Variants in DGKH observed in about 807,000 individuals in gnomAD.
DGKH encodes the protein diacylglycerol kinase eta, also known as DAG kinase eta.
DGKH carries 90 observed loss-of-function variants against 159.3 expected under a neutral mutation model. The observed-to-expected ratio is 0.57, with a 90% CI of 0.48 to 0.67. The LOEUF (loss-of-function observed/expected upper bound fraction) is 0.67. Ranked by LOEUF, DGKH falls within the 30% of genes least tolerant of loss-of-function variation. The pLI, the probability that DGKH is intolerant of heterozygous loss-of-function variation, is 0.00. For missense variants in DGKH, 1,181 were observed against 1,506.1 expected, an observed-to-expected ratio of 0.78 and a Z score of 3.57; for synonymous variants, 536 against 553.8, an observed-to-expected ratio of 0.97 and a Z score of 0.45.
At chr13:42,042,060 T>C (rs540513869) in intron 1 of DGKH, among the ~76,000 whole-genome samples, 1 of 152,356 alleles carries the variant, frequency 6.6e-6, no homozygotes, top group East Asian at 1.9e-4. Flanking sequence ...TTCAGAAGCG[T>C]CCTTCGACTC....
chr13:42,126,364 G>T (rs376743522), intron 1 of DGKH, among the ~76,000 whole-genome samples: 9 of 152,114 alleles, frequency 5.9e-5, no homozygotes, highest in African/African-American at 2.2e-4. Context: ...AGATGGTCAA[G>T]ACCTGAAGGA....
At chr13:42,128,863 C>T (rs1034647753) in intron 2 of DGKH, among the ~76,000 whole-genome samples, 8 of 152,098 alleles carry the variant, frequency 5.3e-5, no homozygotes, top group African/African-American at 1.7e-4. Context: ...TTTCAAGTTC[C>T]GCTGTCAACT....
chr13:42,068,348 T>C (rs1566084485), intron 1 of DGKH, among the ~76,000 whole-genome samples: 1 of 152,212 alleles, frequency 6.6e-6, no homozygotes, highest in Middle Eastern at 3.2e-3. Flanking sequence ...ATGAGTCTTA[T>C]TAAGAATAGT....
At chr13:42,117,158 A>G (rs1954982652) in intron 1 of DGKH, among the ~76,000 whole-genome samples, 1 of 152,240 alleles carries the variant, frequency 6.6e-6, no homozygotes, top group Admixed American at 6.5e-5. Context: ...AGTAAAACTA[A>G]AACATACTTG....
chr13:42,073,275 T>TA (rs1473518325), intron 1 of DGKH, among the ~76,000 whole-genome samples: 1 of 152,226 alleles, frequency 6.6e-6, no homozygotes, highest in African/African-American at 2.4e-5. Context: ...TGCCATTTAT[T>TA]AAAATAGTGT....
At chr13:42,228,703 TAAAGAAA>T (rs1566217753) in intron 29 of DGKH, among the ~76,000 whole-genome samples, 1 of 150,172 alleles carries the variant, frequency 6.7e-6, no homozygotes, top group African/African-American at 2.5e-5. Context: ...AGAGATGAAA[TAAAGAAA>T]GAAAGAAAGA....
chr13:42,087,746 A>ATT (rs56389215), intron 1 of DGKH, among the ~76,000 whole-genome samples: 12,195 of 142,310 alleles, frequency 0.086, 833 homozygotes, highest in East Asian at 0.18. Context: ...TGCACTGCTC[A>ATT]TTTTTTTTTT....
At chr13:42,189,677 A>T (rs12868961) in intron 15 of DGKH, among the ~76,000 whole-genome samples, 17,716 of 152,078 alleles carry the variant, frequency 0.12, 1,510 homozygotes, top group East Asian at 0.4. Flanking sequence ...TAGAAAAAAA[A>T]ATTTTTTGAG....
intron 1 of DGKH, among the ~76,000 whole-genome samples, chr13:42,049,477 T>TAGGCCCACTC (rs1555254855): frequency 1.5e-4 from 23 of 152,350 alleles, no homozygotes; most frequent in Non-Finnish European, 2.4e-4. Flanking sequence ...CTTTCCCACT[T>TAGGCCCACTC]AGGCCCACTC....
intron 1 of DGKH, among the ~76,000 whole-genome samples, chr13:42,082,303 G>C (rs1954216577): frequency 6.6e-6 from 1 of 152,036 alleles, no homozygotes; most frequent in Admixed American, 6.6e-5. Context: ...CATGTTTATT[G>C]ATAGCAATAA....
chr13:42,146,780 A>G (rs747031872), intron 3 of DGKH, among the ~76,000 whole-genome samples: 2 of 152,242 alleles, frequency 1.3e-5, no homozygotes, highest in Non-Finnish European at 2.9e-5. Context: ...GGAGAGAAAT[A>G]CAAGAAGATA....
Position 42,174,103 on chromosome 13 carries a change from TC to T in DGKH, c.1414del (p.Leu472TyrfsTer14). Reference protein sequence around the residue: ...TYELKLPPKASLLPGPPEASE... With the variant: ...TYELKLPPKAXLLPGPPEASE... Reference sequence around the variant, plus strand: ...TGAACTCAAATTGCCACCAAAAGCTTCCCTACTTCCAGGACCTCCAGAAGCA... The same window carrying T: ...TGAACTCAAATTGCCACCAAAAGCTTCCTACTTCCAGGACCTCCAGAAGCA... On this transcript the variant is annotated frameshift_variant, in exon 12 of 30. Coordinates refer to ENST00000337343, the MANE Select transcript of DGKH (RefSeq NM_178009.5). LOFTEE classifies it high-confidence loss of function. The T allele has an allele frequency of 1.9e-6, 3 of 1,613,838 alleles. No individual in the cohort carries two copies. Among genetic ancestry groups the T allele is most frequent in the Non-Finnish European group, 2.5e-6 (3 of 1,179,958 alleles).
intron 2 of DGKH, 68 bp downstream of exon 2, chr13:42,127,641 A>G (rs572115028): frequency 1.3e-5 from 17 of 1,327,040 alleles, no homozygotes; most frequent in Non-Finnish European, 1.7e-5. Context: ...TGGTTCTGTA[A>G]GCTGTTTTTG....
chr13:42,068,013 G>A (rs1466248229), intron 1 of DGKH, among the ~76,000 whole-genome samples: 1 of 151,872 alleles, frequency 6.6e-6, no homozygotes, highest in Non-Finnish European at 1.5e-5. Flanking sequence ...AAGACTTCTA[G>A]AGCATTTTAT....
rs1363332512 is a variant in DGKH, at chr13:42,187,385, A to AT, written c.1638+245dup. Among the ~76,000 whole-genome samples, 8 of 151,882 alleles carry AT rather than the reference A, an allele frequency of 5.3e-5. No individual in the cohort carries two copies. The East Asian group carries it at 1.2e-3, about 22-fold the overall frequency. ...ACTCAAATCCCTGTCCCAGTGATTG[A>AT]TTTTTTTTGGAGACAGAGTCTTGCT... On this transcript the variant is annotated intron_variant, in intron 14 of 29. Transcript: ENST00000337343.
rs1957271190 is a variant in DGKH at position 42,198,704 on chromosome 13, A to G, written c.2285+109A>G. The G allele has an allele frequency of 1.1e-5, 11 of 973,798 alleles. No individual in the cohort carries two copies. In the South Asian group the frequency reaches 1.6e-4, roughly 14 times the overall value. The allele number at this position is 973,798 out of a possible 1,614,324, so 60.3% of individuals were successfully genotyped here. ...TATTACAATAAATATGGTCCCATGT[A>G]AAAAAAGGATGATCAGAAAATTACA... is the stretch of plus-strand genomic sequence containing the variant. On this transcript the variant is annotated intron_variant, in intron 18 of 29. Coordinates refer to ENST00000337343, the MANE Select transcript of DGKH (RefSeq NM_178009.5).
intron 11 of DGKH, among the ~76,000 whole-genome samples, chr13:42,173,712 A>G (rs1956523986): frequency 6.6e-6 from 1 of 152,216 alleles, no homozygotes; most frequent in Admixed American, 6.5e-5. Flanking sequence ...AGAACAGAAA[A>G]GAATGGAAAA....
At chr13:42,040,213 G>A (rs1880388331) in intron 1 of DGKH, 1 of 152,356 alleles carries the variant, frequency 6.6e-6, no homozygotes, top group Non-Finnish European at 1.5e-5. Flanking sequence ...TTTGGAGGGA[G>A]GCGGGTGCGG....
chr13:42,061,988 G>GGTGGGTGTGTGTGTGTGT (rs1555256127), intron 1 of DGKH, among the ~76,000 whole-genome samples: 4 of 149,678 alleles, frequency 2.7e-5, no homozygotes, highest in Non-Finnish European at 5.9e-5. Context: ...TGTGTGTGTG[G>GGTGGGTGTGTGTGTGTGT]GTGTGTGTGT....
Sources: gnomAD v4.1 joint callset for allele counts (sites outside exome capture counted in the v4.1 genomes callset) on GRCh38, gnomAD v4.1.1 for gene constraint, MANE v1.5 for transcripts, NCBI Gene and HGNC (gene_info 2026-07-23, HGNC 2026-07-21) for gene names.